Variants in UGT1A10 observed in about 807,000 individuals in gnomAD.
UGT1A10 encodes UDP glucuronosyltransferase family 1 member A10.
Under a neutral mutation model 45.8 loss-of-function variants are expected in UGT1A10, and 49 were observed. The ratio of observed to expected loss-of-function variants is 1.07; its 90% confidence interval spans 0.85 to 1.36. The LOEUF is 1.36. UGT1A10 is among the 40% of genes most tolerant of loss of function. UGT1A10 has a pLI of 0.00. For synonymous variants in UGT1A10, 284 were observed against 249.7 expected (o/e 1.14, Z -1.29); for missense variants, 745 against 668.6 (o/e 1.11, Z -1.26).
chr2:233,681,072 T>C (rs925995500), intron 1 of UGT1A10, among the ~76,000 whole-genome samples: 1 of 151,736 alleles, frequency 6.6e-6, no homozygotes, highest in South Asian at 2.1e-4. Context: ...TGTGTCACAA[T>C]TGTGGCTCAC....
rs140687237 is a variant in UGT1A10 at position 233,731,471 on chromosome 2, T to A, written c.856-35563T>A. ...CCACAACAGGCCCTGGCGTGTGATG[T>A]TCCCTGGCCTGTGTCCAGTGTTCTT... On this transcript the variant is annotated intron_variant, in intron 1 of 4. Transcript: ENST00000344644. Among the ~76,000 whole-genome samples, 413 of 152,262 alleles carry A rather than the reference T, an allele frequency of 2.7e-3. 1 individual carries two copies. Among genetic ancestry groups the A allele is most frequent in the South Asian group, 0.017 (82 of 4,820 alleles).
intron 4 of UGT1A10, 143 bp downstream of exon 4, chr2:233,768,582 CTTTTTTTTTTT>C (rs139595073): frequency 1.7e-3 from 1,723 of 1,029,514 alleles, no homozygotes; most frequent in Middle Eastern, 4.0e-3. Flanking sequence ...TTTATTTCTT[CTTTTTTTTTTT>C]TTTTTTTTTT....
chr2:233,644,160 C>T (rs1190567905), intron 1 of UGT1A10, among the ~76,000 whole-genome samples: 1 of 152,142 alleles, frequency 6.6e-6, no homozygotes, highest in African/African-American at 2.4e-5. Context: ...GACTAGACTG[C>T]CTTTCAAGTT....
chr2:233,754,621 C>T (rs773983465), intron 1 of UGT1A10: 4 of 441,750 alleles, frequency 9.1e-6, no homozygotes, highest in South Asian at 6.4e-5. Flanking sequence ...TCTTCCTCCA[C>T]TTCCACCCTT....
At chr2:233,707,538 CT>C (rs753963758) in intron 1 of UGT1A10, among the ~76,000 whole-genome samples, 1,931 of 126,726 alleles carry the variant, frequency 0.015, 27 homozygotes, top group African/African-American at 0.038. Flanking sequence ...TTTGTCTTGC[CT>C]TTTTTTTTTT....
chr2:233,718,959 G>T (rs2076705502), intron 1 of UGT1A10: 9 of 1,614,212 alleles, frequency 5.6e-6, no homozygotes, highest in Non-Finnish European at 7.6e-6. Flanking sequence ...CATGCGGGAG[G>T]CCTTGCGGGA....
intron 2 of UGT1A10, 98 bp downstream of exon 2, chr2:233,767,263 G>C (rs1020187729): frequency 6.3e-7 from 1 of 1,589,094 alleles, no homozygotes; most frequent in African/African-American, 1.4e-5. Flanking sequence ...TGGAACCTTA[G>C]ATTTGGCTTT....
intron 1 of UGT1A10, chr2:233,713,506 T>C: frequency 6.2e-7 from 1 of 1,613,972 alleles, no homozygotes; most frequent in Non-Finnish European, 8.5e-7. Flanking sequence ...GCTGTGTTTT[T>C]CTTGAGGAAC....
intron 1 of UGT1A10, among the ~76,000 whole-genome samples, chr2:233,666,973 A>G (rs1381051906): frequency 2.0e-5 from 3 of 152,316 alleles, no homozygotes; most frequent in South Asian, 2.1e-4. Flanking sequence ...TACAATGGAC[A>G]TGAACTCATC....
chr2:233,761,165 T>A (rs1323342436), intron 1 of UGT1A10: 1 of 1,614,204 alleles, frequency 6.2e-7, no homozygotes, highest in Non-Finnish European at 8.5e-7. Context: ...TGTATTGGAG[T>A]GGGACTTTTA....
chr2:233,747,159 A>G lies in UGT1A10; in HGVS notation c.856-19875A>G, dbSNP rs145059616. 5.9e-5 allele frequency: 94 copies of G among 1,584,988 alleles called. 3 individuals carry two copies. The African/African-American group carries it at 1.2e-3, about 20-fold the overall frequency. Reference sequence around the variant, plus strand: ...CAAGGTAATTAAGATGAAGAAAACAAATGTAGGAGGCACAGCGTGGGGTGG... The same window carrying G: ...CAAGGTAATTAAGATGAAGAAAACAGATGTAGGAGGCACAGCGTGGGGTGG... On this transcript the variant is annotated intron_variant, in intron 1 of 4. Coordinates refer to ENST00000344644, the MANE Select transcript of UGT1A10 (RefSeq NM_019075.4).
chr2:233,651,067 A>T (rs1056502950), intron 1 of UGT1A10, among the ~76,000 whole-genome samples: 2 of 152,232 alleles, frequency 1.3e-5, no homozygotes, highest in African/African-American at 4.8e-5. Context: ...GGAAGACTAC[A>T]GTTTTAGACC....
At chr2:233,688,499 C>A (rs377365322) in intron 1 of UGT1A10, among the ~76,000 whole-genome samples, 3 of 152,154 alleles carry the variant, frequency 2.0e-5, no homozygotes, top group African/African-American at 7.2e-5. Context: ...TTGGGAATGT[C>A]ACATGCAGTG....
intron 1 of UGT1A10, chr2:233,672,185 A>G (rs2074213921): frequency 6.2e-7 from 1 of 1,614,072 alleles, no homozygotes; most frequent in Admixed American, 1.7e-5. Flanking sequence ...TATACCCTGG[A>G]GGATCTGGAC....
Position 233,636,610 on chromosome 2 carries a change from G to T in UGT1A10, c.88G>T (p.Val30Leu), listed in dbSNP as rs2073297007. 3 of 1,614,152 alleles carry T rather than the reference G, an allele frequency of 1.9e-6. No homozygotes were observed. Among genetic ancestry groups the T allele is most frequent in the Non-Finnish European group, 2.5e-6 (3 of 1,180,024 alleles). The change falls in exon 1 of 5, where the codon GTA becomes TTA. Residue 30 changes from valine to leucine, a missense_variant. By Grantham distance (32) the Val-to-Leu change is conservative (BLOSUM62 1). Coordinates refer to ENST00000344644, the MANE Select transcript of UGT1A10 (RefSeq NM_019075.4). ...CTTTGCCGAGGCAGGGAAGCTGCTGGTAGTGCCCATGGATGGGAGTCACTG... is the reference window on the plus strand; with the variant it reads ...CTTTGCCGAGGCAGGGAAGCTGCTGTTAGTGCCCATGGATGGGAGTCACTG... ...CGFAEAGKLLVVPMDGSHWFT... is the reference protein window; with the variant it reads ...CGFAEAGKLLLVPMDGSHWFT...
chr2:233,721,923 T>G, intron 1 of UGT1A10: 3 of 399,842 alleles, frequency 7.5e-6, no homozygotes, highest in South Asian at 5.8e-5. Flanking sequence ...TTCCATAAAG[T>G]GACATCCTTC....
At chr2:233,743,656 G>C (rs528527073) in intron 1 of UGT1A10, 2 of 1,367,266 alleles carry the variant, frequency 1.5e-6, no homozygotes, top group Non-Finnish European at 2.0e-6. Context: ...AGACGTACTC[G>C]AAGGGGTCCT....
intron 1 of UGT1A10, among the ~76,000 whole-genome samples, chr2:233,720,958 G>A (rs777333216): frequency 6.0e-5 from 9 of 149,038 alleles, no homozygotes; most frequent in African/African-American, 1.0e-4. Flanking sequence ...TGATCTGCCC[G>A]CCTCGGCCTC....
Position 233,740,237 on chromosome 2 carries a change from A to G in UGT1A10, c.856-26797A>G, listed in dbSNP as rs6746419. ...TCAGCTGCGTCTTTATAGCAGGCTG[A>G]GAATAGACTAATACAAGATTGGTGG... On this transcript the variant is annotated intron_variant, in intron 1 of 4. Transcript: ENST00000344644. 5.0e-3 allele frequency among the ~76,000 whole-genome samples: 755 copies of G among 151,996 alleles called. 33 individuals carry two copies. Among genetic ancestry groups the G allele is most frequent in the African/African-American group, 0.017 (720 of 41,218 alleles).
Sources: allele counts gnomAD v4.1 joint callset (sites outside exome capture counted in the v4.1 genomes callset), GRCh38; gene constraint gnomAD v4.1.1; transcripts MANE v1.5; gene names NCBI Gene and HGNC (gene_info 2026-07-23, HGNC 2026-07-21).